SPRR2B: variants seen among roughly 807,000 people sequenced by gnomAD.
SPRR2B encodes small proline rich protein 2B, also known as small proline-rich protein 2B.
A neutral mutation model predicts 1.0 loss-of-function variants in SPRR2B; 1 was observed. That is an observed-to-expected ratio of 1.01 (90% confidence interval 0.36 to 4.77). The LOEUF is 4.77. SPRR2B is among the 30% of genes most tolerant of loss of function. The probability of loss-of-function intolerance (pLI) is 0.16; values close to 1 mark genes in which losing one functional copy is unlikely to be tolerated. For synonymous variants in SPRR2B, 27 were observed against 33.4 expected, an observed-to-expected ratio of 0.81 and a Z score of 0.66; for missense variants, 53 against 88.7, an observed-to-expected ratio of 0.60 and a Z score of 1.62.
At chr1:153,081,661 T>A in the SPRR2B span, among the ~76,000 whole-genome samples, 12 of 152,202 alleles carry the variant, frequency 7.9e-5, no homozygotes, top group Non-Finnish European at 1.8e-4. Context: ...AAATTTTAGC[T>A]TGTAACTTCA....
upstream of SPRR2B, among the ~76,000 whole-genome samples, chr1:153,073,413 G>A (rs922052052): frequency 5.3e-5 from 8 of 152,132 alleles, no homozygotes; most frequent in African/African-American, 1.9e-4. Flanking sequence ...CACTGTGTGA[G>A]ATAATACAGT....
chr1:153,087,156 T>C, the SPRR2B span, among the ~76,000 whole-genome samples: 1 of 152,094 alleles, frequency 6.6e-6, no homozygotes, highest in Non-Finnish European at 1.5e-5. Context: ...AGTGGGCACC[T>C]GTAGTCACAG....
chr1:153,083,999 T>A, the SPRR2B span, among the ~76,000 whole-genome samples: 8 of 152,298 alleles, frequency 5.3e-5, no homozygotes, highest in Admixed American at 5.2e-4. Context: ...ACCTGAGCAC[T>A]CTCTGGTCAG....
chr1:153,085,422 G>A, the SPRR2B span, among the ~76,000 whole-genome samples: 1 of 146,048 alleles, frequency 6.8e-6, no homozygotes, highest in African/African-American at 2.7e-5. Flanking sequence ...AATAGACCAG[G>A]CAGAGAAAAG....
chr1:153,078,610 G>A, the SPRR2B span, among the ~76,000 whole-genome samples: 64 of 152,008 alleles, frequency 4.2e-4, no homozygotes, highest in South Asian at 8.3e-4. Flanking sequence ...GAGAACATGC[G>A]GTGTTTGGTT....
the SPRR2B span, among the ~76,000 whole-genome samples, chr1:153,083,744 A>G: frequency 6.6e-6 from 1 of 152,174 alleles, no homozygotes; most frequent in Non-Finnish European, 1.5e-5. Flanking sequence ...CCAGCAGGAG[A>G]AGACCCCCTC....
upstream of SPRR2B, among the ~76,000 whole-genome samples, chr1:153,076,119 A>C (rs2101613592): frequency 6.6e-6 from 1 of 152,284 alleles, no homozygotes; most frequent in South Asian, 2.1e-4. Flanking sequence ...GTCTACTGTT[A>C]CTGTGGTTAG....
chr1:153,071,269 A>G (rs1317761813), intron 1 of SPRR2B, among the ~76,000 whole-genome samples: 1 of 151,142 alleles, frequency 6.6e-6, no homozygotes, highest in African/African-American at 2.4e-5. Flanking sequence ...TGGCTCTCAC[A>G]CCTGCTAAGA....
the SPRR2B span, among the ~76,000 whole-genome samples, chr1:153,078,677 T>G: frequency 6.6e-6 from 1 of 152,222 alleles, no homozygotes; most frequent in Non-Finnish European, 1.5e-5. Context: ...TCCATGTCCC[T>G]ACAAAGGACA....
In SPRR2B at chr1:153,070,716, G is replaced by A. The variant is rs1018504914; in HGVS notation, c.124C>T (p.Pro42Ser). 2.0e-5 allele frequency: 32 copies of A among 1,610,170 alleles called. No individual in the cohort carries two copies. Among genetic ancestry groups the A allele is most frequent in the Non-Finnish European group, 2.7e-5 (32 of 1,179,094 alleles). The change falls in exon 2 of 2, where the codon CCA becomes TCA. Residue 42 changes from proline (P) to serine (S), a missense_variant. Pro to Ser is a moderately conservative substitution (Grantham distance 74). Transcript: ENST00000368755. Reference sequence around the variant, plus strand: ...CACTGCTGAGGTGGGCAGGGCTGTGGACACTTTGGTGGTGGGCAGGGCTCA... The same window carrying A: ...CACTGCTGAGGTGGGCAGGGCTGTGAACACTTTGGTGGTGGGCAGGGCTCA... ...CPEPCPPPKC[P>S]QPCPPQQCQQ...
the SPRR2B span, among the ~76,000 whole-genome samples, chr1:153,080,860 C>T: frequency 6.6e-6 from 1 of 152,290 alleles, no homozygotes; most frequent in Admixed American, 6.5e-5. Context: ...CAGCTTTAGT[C>T]ATAACATCCA....
chr1:153,070,324 C>T lies in SPRR2B; in HGVS notation c.*297G>A, dbSNP rs886388770. ...GGTGAAAGACAGACACAGAACACATCAACAGAATTCTCTGATGGTTCCCAG... is the reference window on the plus strand; with the variant it reads ...GGTGAAAGACAGACACAGAACACATTAACAGAATTCTCTGATGGTTCCCAG... On this transcript the variant is annotated 3_prime_UTR_variant, in exon 2 of 2. Coordinates refer to ENST00000368755, the MANE Select transcript of SPRR2B (RefSeq NM_001388198.1). The T allele has an allele frequency of 1.8e-6, 1 of 554,030 alleles. No individual in the cohort carries two copies. The highest frequency in any genetic ancestry group is 3.1e-6 in the Non-Finnish European group (1 of 319,928). The allele number at this position is 554,030 out of a possible 1,614,324, so 34.3% of individuals were successfully genotyped here. A position where few individuals can be genotyped will look rare whatever the true frequency, so the allele number is the denominator to read the frequency against.
chr1:153,085,319 A>T, the SPRR2B span, among the ~76,000 whole-genome samples: 1 of 152,222 alleles, frequency 6.6e-6, no homozygotes, highest in Non-Finnish European at 1.5e-5. Context: ...ATAGCCAGTA[A>T]AGAAAAGAAC....
In SPRR2B at chr1:153,070,494, A is replaced by G; in HGVS notation, c.*127T>C. 24 of 1,488,270 alleles carry G rather than the reference A, an allele frequency of 1.6e-5. No homozygotes were observed. The highest frequency in any genetic ancestry group is 2.1e-5 in the Non-Finnish European group (23 of 1,108,306). 92.2% of individuals were successfully genotyped at this position (1,488,270 alleles called of 1,614,324 possible). On this transcript the variant is annotated 3_prime_UTR_variant, in exon 2 of 2. Transcript: ENST00000368755. ...TCAGGGAACATCATGGGCAGATCAC[A>G]GGCTAAGGGGAAAGAAGCTCCCTAT...
the SPRR2B span, among the ~76,000 whole-genome samples, chr1:153,086,085 A>G: frequency 6.6e-6 from 1 of 152,262 alleles, no homozygotes; most frequent in African/African-American, 2.4e-5. Flanking sequence ...AACACACTTT[A>G]GTACACAGAC....
At chr1:153,080,606 G>GA in the SPRR2B span, among the ~76,000 whole-genome samples, 4 of 152,054 alleles carry the variant, frequency 2.6e-5, no homozygotes, top group Non-Finnish European at 4.4e-5. Flanking sequence ...ACAAAATTGT[G>GA]AAAAAAATTT....
chr1:153,086,635 A>G, the SPRR2B span, among the ~76,000 whole-genome samples: 3 of 152,252 alleles, frequency 2.0e-5, no homozygotes, highest in African/African-American at 7.2e-5. Context: ...ACACATAGTC[A>G]TAAGATTCAT....
the SPRR2B span, among the ~76,000 whole-genome samples, chr1:153,078,446 T>C: frequency 6.6e-6 from 1 of 152,180 alleles, no homozygotes; most frequent in African/African-American, 2.4e-5. Flanking sequence ...ATGTGCCATG[T>C]TGGTGTGCTG....
At chr1:153,079,185 C>T in the SPRR2B span, among the ~76,000 whole-genome samples, 1,631 of 151,312 alleles carry the variant, frequency 0.011, 14 homozygotes, top group Non-Finnish European at 0.019. Context: ...CTGTTTATAT[C>T]CTTCGCCCAC....
Sources: allele counts gnomAD v4.1 joint callset (sites outside exome capture counted in the v4.1 genomes callset), GRCh38; gene constraint gnomAD v4.1.1; transcripts MANE v1.5; gene names NCBI Gene and HGNC (gene_info 2026-07-23, HGNC 2026-07-21).